Variants in BTK observed in about 807,000 individuals in gnomAD.
The protein encoded by BTK is tyrosine-protein kinase BTK.
BTK carries 5 observed loss-of-function variants against 57.4 expected under a neutral mutation model. That is an observed-to-expected ratio of 0.09 (90% confidence interval 0.05 to 0.18). The LOEUF is 0.18. Among genes scored for constraint, BTK ranks in the 10% least tolerant of loss-of-function variants. The pLI, the probability that BTK is intolerant of heterozygous loss-of-function variation, is 1.00. For missense variants in BTK, 194 were observed against 501.2 expected, an observed-to-expected ratio of 0.39 and a Z score of 5.85; for synonymous variants, 154 against 174.3, an observed-to-expected ratio of 0.88 and a Z score of 0.92.
intron 15 of BTK, 40 bp from the exon 16 acceptor site, chrX:101,354,734 C>T (rs782551760): frequency 1.7e-6 from 2 of 1,171,736 alleles, no homozygotes; most frequent in Admixed American, 2.2e-5. Flanking sequence ...CCGTCCCCAG[C>T]ACAGAGGTTA....
intron 7 of BTK, 108 bp downstream of exon 7, chrX:101,362,065 C>A: frequency 1.2e-6 from 1 of 803,787 alleles, no homozygotes; most frequent in African/African-American, 2.0e-5. Context: ...GCAAGAATAC[C>A]AATTAACACT....
At chrX:101,370,856 A>T (rs1244858152) in intron 4 of BTK, among the ~76,000 whole-genome samples, 5 of 112,667 alleles carry the variant, frequency 4.4e-5, no homozygotes, top group African/African-American at 1.6e-4. Context: ...AAACAATGTC[A>T]TCTTGTTGAA....
intron 7 of BTK, among the ~76,000 whole-genome samples, chrX:101,361,488 G>C (rs781989783): frequency 1.0e-5 from 1 of 99,867 alleles, no homozygotes; most frequent in South Asian, 5.0e-4. Flanking sequence ...GTGAGAAAGG[G>C]CTTTCTAGCC....
chrX:101,389,306 A>G (rs192660048), upstream of BTK, among the ~76,000 whole-genome samples: 5 of 111,738 alleles, frequency 4.5e-5, no homozygotes, highest in Admixed American at 2.9e-4. Flanking sequence ...ACAAAGCCAC[A>G]TAACACCAGA....
intron 1 of BTK, among the ~76,000 whole-genome samples, 180 bp downstream of exon 1, chrX:101,385,882 C>T (rs1198504671): frequency 5.4e-5 from 6 of 111,620 alleles, no homozygotes; most frequent in African/African-American, 2.0e-4. Flanking sequence ...AGGACCCTTT[C>T]GGCCTCTCTA....
rs1308842414 is a variant in BTK at position 101,355,955 on chromosome X, G to A, written c.1566+97C>T. 3.4e-6 allele frequency: 3 copies of A among 894,680 alleles called. No homozygotes were observed. In the African/African-American group the frequency reaches 5.9e-5, roughly 18 times the overall value. The allele number at this position is 894,680 out of a possible 1,213,427, so 73.7% of individuals were successfully genotyped here. ...CTTTCTAGATAAAATTGAAATGATG[G>A]CACCAGCAGCCCCCCTCAACCATGT... On this transcript the variant is annotated intron_variant, in intron 15 of 18. Coordinates refer to ENST00000308731, the MANE Select transcript of BTK (RefSeq NM_000061.3).
chrX:101,366,780 G>A (rs1226414130), intron 5 of BTK, among the ~76,000 whole-genome samples: 9 of 111,990 alleles, frequency 8.0e-5, no homozygotes, highest in Admixed American at 2.8e-4. Flanking sequence ...GGGAAGAGAA[G>A]GCAAAGATGT....
Position 101,374,651 on chromosome X carries a change from G to A in BTK, c.142-17C>T. 1 of 1,132,645 alleles carries A rather than the reference G, an allele frequency of 8.8e-7. No individual in the cohort carries two copies. The highest frequency in any genetic ancestry group is 1.8e-5 in the African/African-American group (1 of 56,248). 93.3% of individuals were successfully genotyped at this position (1,132,645 alleles called of 1,213,427 possible). A position where few individuals can be genotyped will look rare whatever the true frequency, so the allele number is the denominator to read the frequency against. ...GCCTCTTCTCTGAGAAGTAGAATGA[G>A]GAAGAAAATGGAGAAAGATTAAGAG... On this transcript the variant is annotated splice_polypyrimidine_tract_variant and intron_variant, in intron 2 of 18. Coordinates refer to ENST00000308731, the MANE Select transcript of BTK (RefSeq NM_000061.3).
At chrX:101,358,814 G>A (rs987166227) in intron 10 of BTK, 118 bp from the exon 11 acceptor site, 2 of 612,837 alleles carry the variant, frequency 3.3e-6, no homozygotes, top group African/African-American at 2.2e-5. Context: ...CAAGTTCCAC[G>A]CTTGAGCTAC....
chrX:101,378,610 G>C (rs1207831088), intron 1 of BTK, among the ~76,000 whole-genome samples: 1 of 110,255 alleles, frequency 9.1e-6, no homozygotes, highest in Non-Finnish European at 1.9e-5. Context: ...AGAAAAAATA[G>C]ACACAGAGCT....
At position 101,349,720 on chromosome X, in the gene BTK, C is replaced by A; in HGVS notation, c.*165G>T. 2.1e-6 allele frequency: 1 copy of A among 486,650 alleles called. No individual in the cohort carries two copies. The allele number at this position is 486,650 out of a possible 1,213,427, so 40.1% of individuals were successfully genotyped here. On this transcript the variant is annotated 3_prime_UTR_variant, in exon 19 of 19. Transcript: ENST00000308731. ...TGGCCTTTGCTCAGAAGCCACTATC[C>A]CAGGGAATCAAAGAAGAGGTGCATT...
chrX:101,350,604 G>A (rs1235992139), intron 18 of BTK, among the ~76,000 whole-genome samples: 3 of 109,636 alleles, frequency 2.7e-5, no homozygotes, highest in South Asian at 8.0e-4. Flanking sequence ...ACGCCATCAC[G>A]CCCAGCTAAT....
intron 1 of BTK, among the ~76,000 whole-genome samples, chrX:101,377,334 T>C (rs782547735): frequency 9.0e-6 from 1 of 111,731 alleles, no homozygotes; most frequent in Non-Finnish European, 1.9e-5. Flanking sequence ...AGCCCTGTAA[T>C]CATACCACAA....
chrX:101,355,819 G>T lies in BTK; in HGVS notation c.1566+233C>A, dbSNP rs187725403. 4 of 436,971 alleles carry T rather than the reference G, an allele frequency of 9.2e-6. No individual in the cohort carries two copies. In the African/African-American group the frequency reaches 9.8e-5, roughly 11 times the overall value. 36.0% of individuals were successfully genotyped at this position (436,971 alleles called of 1,213,427 possible). On this transcript the variant is annotated intron_variant, in intron 15 of 18. Transcript: ENST00000308731. Reference sequence around the variant, plus strand: ...ACCATTTTCTTGTGGGTGGTAGGGGGTTGGGAGTGAGTGACTGCTCTGATT... The same window carrying T: ...ACCATTTTCTTGTGGGTGGTAGGGGTTTGGGAGTGAGTGACTGCTCTGATT...
intron 3 of BTK, among the ~76,000 whole-genome samples, chrX:101,373,862 T>C (rs1555980703): frequency 9.1e-6 from 1 of 109,474 alleles, no homozygotes; most frequent in African/African-American, 3.3e-5. Flanking sequence ...GCCAACATGG[T>C]GAAACCCCGT....
intron 11 of BTK, 43 bp downstream of exon 11, chrX:101,358,574 C>G (rs782809469): frequency 8.5e-7 from 1 of 1,177,253 alleles, no homozygotes; most frequent in African/African-American, 1.8e-5. Context: ...TAGGAGGGTA[C>G]CCCTGTTCTT....
At chrX:101,376,394 G>T (rs546091076) in intron 1 of BTK, among the ~76,000 whole-genome samples, 1 of 112,011 alleles carries the variant, frequency 8.9e-6, no homozygotes, top group Non-Finnish European at 1.9e-5. Flanking sequence ...TTGGGAGGCC[G>T]AGGCTGGCGG....
chrX:101,355,749 A>G, intron 15 of BTK: 2 of 360,740 alleles, frequency 5.5e-6, no homozygotes, highest in South Asian at 7.1e-5. Context: ...ATTGGGAAGC[A>G]CAGTCCCTTC....
At chrX:101,351,534 G>C (rs1377540798) in intron 18 of BTK, among the ~76,000 whole-genome samples, 1 of 111,407 alleles carries the variant, frequency 9.0e-6, no homozygotes, top group Non-Finnish European at 1.9e-5. Context: ...AGGGAAACCA[G>C]CCATGCTCGG....
Sources: gnomAD v4.1 joint callset for allele counts (sites outside exome capture counted in the v4.1 genomes callset) on GRCh38, gnomAD v4.1.1 for gene constraint, MANE v1.5 for transcripts, NCBI Gene and HGNC (gene_info 2026-07-23, HGNC 2026-07-21) for gene names.